AKAP9: variants seen among roughly 807,000 people sequenced by gnomAD.
AKAP9 encodes A-kinase anchor protein 9.
A neutral mutation model predicts 488.5 loss-of-function variants in AKAP9; 311 were observed. The observed-to-expected ratio is 0.64, with a 90% CI of 0.58 to 0.70. The LOEUF is 0.70. AKAP9 is among the 30% of genes least tolerant of loss of function. AKAP9 has a pLI of 0.00. For missense variants in AKAP9, 4,215 were observed against 4,374.5 expected (o/e 0.96, Z 1.03); for synonymous variants, 1,462 against 1,483.5 (o/e 0.99, Z 0.33).
intron 21 of AKAP9, among the ~76,000 whole-genome samples, chr7:92,052,055 A>G (rs1038076620): frequency 1.3e-5 from 2 of 152,170 alleles, no homozygotes; most frequent in African/African-American, 2.4e-5. Context: ...AGACCTGCTC[A>G]TCAGTCTAAT....
chr7:92,102,442 T>TTACTATTAC, intron 45 of AKAP9, 152 bp from the exon 46 acceptor site: 1 of 554,324 alleles, frequency 1.8e-6, no homozygotes, highest in East Asian at 3.5e-5. Context: ...ACCTGCCGTT[T>TTACTATTAC]TACTATTACT....
At chr7:92,000,544 A>G (rs1799021834) in intron 7 of AKAP9, among the ~76,000 whole-genome samples, 1 of 152,234 alleles carries the variant, frequency 6.6e-6, no homozygotes, top group South Asian at 2.1e-4. Context: ...TGAAAATGTA[A>G]CAGTTTGGAG....
In AKAP9 at chr7:92,002,043, T is replaced by G. The variant is rs113086549; in HGVS notation, c.2126T>G (p.Leu709Arg). 1.2e-6 allele frequency: 2 copies of G among 1,604,104 alleles called. No homozygotes were observed. Among genetic ancestry groups the G allele is most frequent in the Non-Finnish European group, 1.7e-6 (2 of 1,176,706 alleles). The part of the protein sequence containing the change: ...ISKLKDLQQS[L>R]VNSKSEEMTL... ...AAGCTAAAAGATTTACAGCAGTCTC[T>G]TGTAAATTCAAAGTCAGAAGAAATG... The change falls in exon 8 of 50, where the codon CTT becomes CGT. Residue 709 changes from leucine to arginine, a missense_variant. Leu to Arg is a moderately radical substitution (Grantham distance 102, BLOSUM62 -2). Coordinates refer to ENST00000356239, the MANE Select transcript of AKAP9 (RefSeq NM_005751.5).
chr7:91,970,351 T>G, intron 1 of AKAP9: 1 of 328,600 alleles, frequency 3.0e-6, no homozygotes, highest in South Asian at 2.6e-5. Context: ...GAGTTATGAG[T>G]GGGCGCTACA....
intron 1 of AKAP9, among the ~76,000 whole-genome samples, chr7:91,971,463 G>C (rs184869940): frequency 6.6e-6 from 1 of 151,734 alleles, no homozygotes; most frequent in African/African-American, 2.4e-5. Context: ...TGTCTTGTTA[G>C]GGTCATTCAC....
intron 26 of AKAP9, among the ~76,000 whole-genome samples, chr7:92,068,916 G>A (rs1439078514): frequency 6.6e-6 from 1 of 152,078 alleles, no homozygotes; most frequent in African/African-American, 2.4e-5. Context: ...ACCATCACAT[G>A]TCGCTTTTTT....
chr7:91,955,324 A>T (rs1178620692), intron 1 of AKAP9, among the ~76,000 whole-genome samples: 1 of 152,210 alleles, frequency 6.6e-6, no homozygotes, highest in Non-Finnish European at 1.5e-5. Flanking sequence ...ATAAAGACTG[A>T]TGATAAAAAG....
At chr7:91,981,603 C>G (rs375538964) in intron 3 of AKAP9, among the ~76,000 whole-genome samples, 1 of 106,640 alleles carries the variant, frequency 9.4e-6, no homozygotes, top group Non-Finnish European at 1.9e-5. Context: ...TCTTGTATTT[C>G]TTTTTTTTTT....
intron 17 of AKAP9, among the ~76,000 whole-genome samples, chr7:92,039,249 A>G (rs1196735773): frequency 6.6e-6 from 1 of 152,196 alleles, no homozygotes; most frequent in Non-Finnish European, 1.5e-5. Flanking sequence ...ATATATGGAT[A>G]AGTGACTTAA....
chr7:91,961,194 CTG>C (rs1793688118), intron 1 of AKAP9, among the ~76,000 whole-genome samples: 1 of 151,588 alleles, frequency 6.6e-6, no homozygotes, highest in Non-Finnish European at 1.5e-5. Context: ...GAGTCTCACT[CTG>C]TTGCCCAGGC....
At chr7:92,070,404 GTTT>G (rs1309851289) in intron 27 of AKAP9, among the ~76,000 whole-genome samples, 198 bp downstream of exon 27, 1 of 27,834 alleles carries the variant, frequency 3.6e-5, no homozygotes, top group Admixed American at 2.7e-4. Context: ...TGTTGTTGTT[GTTT>G]TGTTTTGTTT....
At chr7:91,971,311 A>C (rs1260426034) in intron 1 of AKAP9, among the ~76,000 whole-genome samples, 1 of 151,988 alleles carries the variant, frequency 6.6e-6, no homozygotes, top group African/African-American at 2.4e-5. Flanking sequence ...CAGTTCCAAA[A>C]TTTCTTTTTG....
chr7:91,952,395 AAG>A (rs1562886708), intron 1 of AKAP9, among the ~76,000 whole-genome samples: 1 of 152,230 alleles, frequency 6.6e-6, no homozygotes, highest in African/African-American at 2.4e-5. Context: ...CAGACACATA[AAG>A]AGATAATTAT....
rs1212624660 is a variant in AKAP9 at position 92,012,580 on chromosome 7, A to G, written c.3470A>G (p.Lys1157Arg). The change falls in exon 9 of 50, where the codon AAG becomes AGG. Residue 1157 changes from lysine (K) to arginine (R), a missense_variant. Coordinates refer to ENST00000356239, the MANE Select transcript of AKAP9 (RefSeq NM_005751.5). ...GAGCTTATTTTTGCTCAAGAGGAAA[A>G]GATCAAGGAACTTCAGAAAATACAC... is the stretch of plus-strand genomic sequence containing the variant. ...KEELIFAQEEKIKELQKIHQL... is the reference protein window; with the variant it reads ...KEELIFAQEERIKELQKIHQL... 3 of 1,613,644 alleles carry G rather than the reference A, an allele frequency of 1.9e-6. No homozygotes were observed. The highest frequency in any genetic ancestry group is 1.7e-6 in the Non-Finnish European group (2 of 1,179,810).
intron 8 of AKAP9, among the ~76,000 whole-genome samples, chr7:92,007,197 A>G (rs1000750129): frequency 1.3e-5 from 2 of 151,090 alleles, no homozygotes; most frequent in South Asian, 4.2e-4. Context: ...AAAAAGATAT[A>G]TGGTATGAAT....
At chr7:91,978,939 T>A (rs1177377507) in intron 2 of AKAP9, among the ~76,000 whole-genome samples, 1 of 146,364 alleles carries the variant, frequency 6.8e-6, no homozygotes, top group Non-Finnish European at 1.5e-5. Flanking sequence ...TGTATTTTTT[T>A]TTTTTTTTTT....
At position 91,940,970 on chromosome 7, in the gene AKAP9, G is replaced by C; in HGVS notation, c.-130G>C. 1 of 966,876 alleles carries C rather than the reference G, an allele frequency of 1.0e-6. No homozygotes were observed. Among genetic ancestry groups the C allele is most frequent in the Non-Finnish European group, 1.7e-6 (1 of 598,662 alleles). 59.9% of individuals were successfully genotyped at this position (966,876 alleles called of 1,614,324 possible). On this transcript the variant is annotated 5_prime_UTR_variant, in exon 1 of 50. Transcript: ENST00000356239. Reference sequence around the variant, plus strand: ...CGGAGACTGCTTCCACTTCGGGCGGGGGAGCGCCGGACCGAATCGGCTCTC... The same window carrying C: ...CGGAGACTGCTTCCACTTCGGGCGGCGGAGCGCCGGACCGAATCGGCTCTC...
At chr7:91,944,650 G>C (rs1480000236) in intron 1 of AKAP9, among the ~76,000 whole-genome samples, 1 of 152,130 alleles carries the variant, frequency 6.6e-6, no homozygotes, top group African/African-American at 2.4e-5. Flanking sequence ...ACCTCCCAAA[G>C]TGCTGGGATT....
chr7:91,996,215 T>C (rs1468481438), intron 7 of AKAP9, among the ~76,000 whole-genome samples: 1 of 152,168 alleles, frequency 6.6e-6, no homozygotes, highest in Non-Finnish European at 1.5e-5. Context: ...TAAACTTAAG[T>C]GTTTCTGGGA....
Sources: allele counts gnomAD v4.1 joint callset (sites outside exome capture counted in the v4.1 genomes callset), GRCh38; gene constraint gnomAD v4.1.1; transcripts MANE v1.5; gene names NCBI Gene and HGNC (gene_info 2026-07-23, HGNC 2026-07-21).